The following RDX variants were observed in gnomAD, a reference collection of about 807,000 sequenced individuals.
RDX encodes the protein deafness, autosomal recessive 24.
A neutral mutation model predicts 83.7 loss-of-function variants in RDX; 32 were observed. The observed-to-expected ratio is 0.38, with a 90% CI of 0.29 to 0.51. The LOEUF is 0.51. Ranked by LOEUF, RDX falls within the 20% of genes least tolerant of loss-of-function variation. RDX has a pLI of 0.87. For missense variants in RDX, 600 were observed against 689.9 expected (o/e 0.87, Z 1.46); for synonymous variants, 229 against 222.7 (o/e 1.03, Z -0.25).
intron 7 of RDX, 49 bp from the exon 8 acceptor site, chr11:110,255,434 A>G (rs1452421946): frequency 7.9e-6 from 8 of 1,007,148 alleles, no homozygotes; most frequent in Non-Finnish European, 1.3e-5. Flanking sequence ...AACAATGAAT[A>G]AAATTCCTGT....
At position 110,231,265 on chromosome 11, in the gene RDX, A is replaced by G. The variant is rs1182133382; in HGVS notation, c.*604T>C. ...TTAAATTTAGATTAAAAAAAAACTA[A>G]GCACCAGCTGTACATACATTATTAA... is the stretch of plus-strand genomic sequence containing the variant. On this transcript the variant is annotated 3_prime_UTR_variant, in exon 14 of 14. Transcript: ENST00000645495. The G allele has an allele frequency of 6.5e-6, 1 of 152,848 alleles. No homozygotes were observed. Among genetic ancestry groups the G allele is most frequent in the African/African-American group, 2.4e-5 (1 of 41,452 alleles). 9.5% of individuals were successfully genotyped at this position (152,848 alleles called of 1,614,324 possible).
At chr11:110,223,020 C>A (rs189168749) in intron 14 of RDX, among the ~76,000 whole-genome samples, 152 of 152,046 alleles carry the variant, frequency 1.0e-3, no homozygotes, top group Non-Finnish European at 1.6e-3. Context: ...ATACAATGAA[C>A]GATTATATGT....
rs754256440 is a variant in RDX at position 110,281,322 on chromosome 11, A to ATTT, written c.-64-1569_-64-1567dup. Among the ~76,000 whole-genome samples the ATTT allele has an allele frequency of 2.1e-5, 3 of 143,234 alleles. No homozygotes were observed. In the South Asian group the frequency reaches 6.8e-4, roughly 33 times the overall value. The allele number at this position is 143,234 out of a possible 152,430, so 94.0% of individuals were successfully genotyped here. A position where few individuals can be genotyped will look rare whatever the true frequency, so the allele number is the denominator to read the frequency against. ...TCTTCAGAGGAAATTTCCTCCTGAG[A>ATTT]TTTTTTTTTTTTTTTTGAGATGGAG... On this transcript the variant is annotated intron_variant, in intron 1 of 13. Coordinates refer to ENST00000645495, the MANE Select transcript of RDX (RefSeq NM_002906.4).
intron 1 of RDX, among the ~76,000 whole-genome samples, chr11:110,292,584 A>C (rs1309844681): frequency 6.6e-6 from 1 of 152,196 alleles, no homozygotes; most frequent in African/African-American, 2.4e-5. Context: ...CTCAAAACTG[A>C]AGAGCGCTCA....
Position 110,219,856 on chromosome 11 carries a change from T to C in RDX, c.1748+12017A>G, listed in dbSNP as rs1019887533. 6.6e-5 allele frequency among the ~76,000 whole-genome samples: 10 copies of C among 152,284 alleles called. No individual in the cohort carries two copies. In the South Asian group the frequency reaches 2.1e-3, roughly 32 times the overall value. ...TCTGAAGTTCAGGGGAGAATTTGGT[T>C]AGAGATTTAAGTTTTTCAGTCTACA... On this transcript the variant is annotated intron_variant, in intron 14 of 15. Transcript: ENST00000528498.
chr11:110,261,168 G>C (rs921224903), intron 5 of RDX, among the ~76,000 whole-genome samples: 1 of 152,154 alleles, frequency 6.6e-6, no homozygotes, highest in African/African-American at 2.4e-5. Context: ...ATAAATACCA[G>C]ATATCTCTCT....
chr11:110,277,873 C>T (rs1329879842), intron 2 of RDX, among the ~76,000 whole-genome samples: 1 of 152,110 alleles, frequency 6.6e-6, no homozygotes. Context: ...TTTTCGCCTA[C>T]TCTAAGATCA....
chr11:110,197,615 C>G lies in RDX; in HGVS notation c.*31+1966G>C, dbSNP rs542775339. ...GGATTTGCTCTAAAAAGAACATTAA[C>G]AGATGAAAATCAAGGAGGAAAAATC... is the stretch of plus-strand genomic sequence containing the variant. On this transcript the variant is annotated intron_variant, in intron 15 of 15. Coordinates refer to the RDX transcript ENST00000528498. 3.9e-5 allele frequency among the ~76,000 whole-genome samples: 6 copies of G among 152,250 alleles called. No homozygotes were observed. In the South Asian group the frequency reaches 1.2e-3, roughly 32 times the overall value.
intron 11 of RDX, 141 bp from the exon 12 acceptor site, chr11:110,236,332 T>A: frequency 1.5e-6 from 1 of 651,484 alleles, no homozygotes; most frequent in Non-Finnish European, 2.7e-6. Flanking sequence ...TTTCTTAAGA[T>A]CTTAAATAGC....
chr11:110,209,912 A>T (rs1284212498), intron 14 of RDX, among the ~76,000 whole-genome samples: 1 of 148,758 alleles, frequency 6.7e-6, no homozygotes, highest in Admixed American at 6.7e-5. Flanking sequence ...AAAACTGGAA[A>T]CTCTAAAAAG....
At chr11:110,183,800 G>A (rs1222255687) in intron 15 of RDX, among the ~76,000 whole-genome samples, 1 of 152,214 alleles carries the variant, frequency 6.6e-6, no homozygotes, top group East Asian at 1.9e-4. Context: ...CTGGCTTTAG[G>A]CCACCATGAT....
rs1864612029 is a variant in RDX, at chr11:110,230,987, ATG to A, written c.*880_*881del. 6.6e-6 allele frequency: 1 copy of A among 152,606 alleles called. No homozygotes were observed. The highest frequency in any genetic ancestry group is 2.4e-5 in the African/African-American group (1 of 41,458). 9.5% of individuals were successfully genotyped at this position (152,606 alleles called of 1,614,324 possible). On this transcript the variant is annotated 3_prime_UTR_variant, in exon 14 of 14. Coordinates refer to ENST00000645495, the MANE Select transcript of RDX (RefSeq NM_002906.4). Reference sequence around the variant, plus strand: ...AAAAAATAACATTAGTTACCAACAAATGTATATTTTCTTTTTTTAACTAATCA... The same window carrying A: ...AAAAAATAACATTAGTTACCAACAAATATATTTTCTTTTTTTAACTAATCA...
At chr11:110,255,004 T>C (rs542924882) in intron 8 of RDX, among the ~76,000 whole-genome samples, 4 of 152,324 alleles carry the variant, frequency 2.6e-5, no homozygotes, top group East Asian at 1.9e-4. Flanking sequence ...CACTTTAAAA[T>C]TGCTTCTTAG....
At chr11:110,281,329 T>C (rs548221436) in intron 1 of RDX, among the ~76,000 whole-genome samples, 3 of 152,088 alleles carry the variant, frequency 2.0e-5, no homozygotes, top group African/African-American at 7.2e-5. Context: ...GAGATTTTTT[T>C]TTTTTTTTTG....
intron 15 of RDX, among the ~76,000 whole-genome samples, chr11:110,194,281 G>A (rs540632441): frequency 5.3e-4 from 80 of 152,304 alleles, no homozygotes; most frequent in Admixed American, 1.1e-3. Flanking sequence ...GTGCAGTGGC[G>A]CAATCCTGAC....
intron 1 of RDX, among the ~76,000 whole-genome samples, chr11:110,281,541 G>A (rs1860761196): frequency 3.3e-5 from 5 of 152,084 alleles, no homozygotes; most frequent in Non-Finnish European, 7.4e-5. Flanking sequence ...TGGCCAGGCT[G>A]GTCTCAAACT....
intron 14 of RDX, among the ~76,000 whole-genome samples, chr11:110,221,525 G>A (rs1213009131): frequency 1.3e-5 from 2 of 151,730 alleles, no homozygotes; most frequent in Admixed American, 6.6e-5. Context: ...TTGAACCCAG[G>A]AGGTGGAAGC....
At chr11:110,189,866 C>A (rs996899543) in intron 15 of RDX, among the ~76,000 whole-genome samples, 1 of 152,002 alleles carries the variant, frequency 6.6e-6, no homozygotes, top group Admixed American at 6.6e-5. Context: ...GGCAGATCAC[C>A]TGAGTTCAGG....
chr11:110,277,288 C>A (rs921603319), intron 2 of RDX, among the ~76,000 whole-genome samples: 8 of 152,262 alleles, frequency 5.3e-5, no homozygotes, highest in South Asian at 2.1e-4. Flanking sequence ...CATATCTACA[C>A]TGGATTATTA....
Sources: gnomAD v4.1 joint callset for allele counts (sites outside exome capture counted in the v4.1 genomes callset) on GRCh38, gnomAD v4.1.1 for gene constraint, MANE v1.5 for transcripts, NCBI Gene and HGNC (gene_info 2026-07-23, HGNC 2026-07-21) for gene names.